ITGA8: variants seen among roughly 807,000 people sequenced by gnomAD.
ITGA8 encodes integrin alpha-8.
Under a neutral mutation model 142.3 loss-of-function variants are expected in ITGA8, and 91 were observed. The ratio of observed to expected loss-of-function variants is 0.64; its 90% CI spans 0.54 to 0.76. The LOEUF is 0.76. Among genes scored for constraint, ITGA8 ranks in the 30% least tolerant of loss-of-function variants. The probability of loss-of-function intolerance (pLI) is 0.00; values close to 1 mark genes in which losing one functional copy is unlikely to be tolerated. For missense variants in ITGA8, 1,406 were observed against 1,327.7 expected, an observed-to-expected ratio of 1.06 and a Z score of -0.92; for synonymous variants, 505 against 485.2, an observed-to-expected ratio of 1.04 and a Z score of -0.54.
intron 2 of ITGA8, among the ~76,000 whole-genome samples, chr10:15,707,942 A>G (rs923773127): frequency 6.7e-6 from 1 of 150,316 alleles, no homozygotes; most frequent in African/African-American, 2.5e-5. Flanking sequence ...GCCCAAGCTA[A>G]AATAAATGTG....
chr10:15,597,003 C>T, intron 21 of ITGA8: 2 of 560,328 alleles, frequency 3.6e-6, no homozygotes, highest in East Asian at 2.8e-5. Context: ...CATAGAAGAG[C>T]ATGCATCTTT....
chr10:15,620,464 G>A (rs1002281960), intron 13 of ITGA8, among the ~76,000 whole-genome samples: 4 of 152,204 alleles, frequency 2.6e-5, no homozygotes, highest in African/African-American at 9.6e-5. Flanking sequence ...TAATTTCTGT[G>A]CCTTCGGGTG....
At position 15,528,073 on chromosome 10, in the gene ITGA8, G is replaced by A. The variant is rs534032100; in HGVS notation, c.2982+2977C>T. On this transcript the variant is annotated intron_variant, in intron 28 of 29. Transcript: ENST00000378076. ...TGGGACTACAGGCGAGCATCACCAC[G>A]CCTTGCTAATTTTATGCTTTTTGTT... is the stretch of plus-strand genomic sequence containing the variant. 4.6e-5 allele frequency among the ~76,000 whole-genome samples: 7 copies of A among 151,824 alleles called. No homozygotes were observed. The South Asian group carries it at 1.0e-3, about 23-fold the overall frequency.
intron 14 of ITGA8, among the ~76,000 whole-genome samples, chr10:15,614,639 G>A (rs897526779): frequency 3.3e-5 from 5 of 152,168 alleles, no homozygotes; most frequent in African/African-American, 7.2e-5. Flanking sequence ...AGATATGATC[G>A]TTGGAAGCCA....
chr10:15,578,486 C>T (rs1287608494), intron 23 of ITGA8, among the ~76,000 whole-genome samples: 1 of 151,996 alleles, frequency 6.6e-6, no homozygotes, highest in African/African-American at 2.4e-5. Flanking sequence ...TGTAGGGATT[C>T]TTGTGTGAAC....
At chr10:15,685,130 G>A (rs568604069) in intron 3 of ITGA8, among the ~76,000 whole-genome samples, 95 of 152,312 alleles carry the variant, frequency 6.2e-4, no homozygotes, top group African/African-American at 2.1e-3. Flanking sequence ...ATGTTCATGA[G>A]CTACAAGCAT....
intron 25 of ITGA8, among the ~76,000 whole-genome samples, chr10:15,560,278 TC>T (rs1176423388): frequency 2.0e-5 from 3 of 152,004 alleles, no homozygotes; most frequent in African/African-American, 4.8e-5. Flanking sequence ...AGGCCCTGCT[TC>T]TAAAAAAAAT....
chr10:15,535,316 G>C (rs1833405789), intron 27 of ITGA8, among the ~76,000 whole-genome samples: 1 of 152,236 alleles, frequency 6.6e-6, no homozygotes, highest in Non-Finnish European at 1.5e-5. Flanking sequence ...GGGCTGAGGA[G>C]TGTGGGCACA....
At chr10:15,627,567 G>A (rs1401270078) in intron 13 of ITGA8, among the ~76,000 whole-genome samples, 2 of 152,200 alleles carry the variant, frequency 1.3e-5, no homozygotes, top group African/African-American at 2.4e-5. Flanking sequence ...CTTGCAAACA[G>A]GAAGGACAAA....
intron 13 of ITGA8, among the ~76,000 whole-genome samples, chr10:15,621,621 C>T (rs1162515643): frequency 1.3e-5 from 2 of 150,448 alleles, no homozygotes; most frequent in African/African-American, 4.9e-5. Flanking sequence ...ATTAGGTGGG[C>T]AGGAAACAGT....
At chr10:15,617,563 T>A (rs933043823) in intron 13 of ITGA8, among the ~76,000 whole-genome samples, 1 of 152,148 alleles carries the variant, frequency 6.6e-6, no homozygotes, top group East Asian at 1.9e-4. Flanking sequence ...AACGCCTGGC[T>A]GATTTTTTGT....
chr10:15,701,333 C>T (rs1564415754), intron 2 of ITGA8, among the ~76,000 whole-genome samples: 1 of 152,104 alleles, frequency 6.6e-6, no homozygotes, highest in Non-Finnish European at 1.5e-5. Context: ...ATTAGTACAT[C>T]TGTGATCTGA....
chr10:15,686,565 G>A (rs952794724), intron 3 of ITGA8, among the ~76,000 whole-genome samples: 77 of 152,276 alleles, frequency 5.1e-4, no homozygotes, highest in African/African-American at 1.8e-3. Context: ...ATACTGATGG[G>A]ACATATTTAG....
chr10:15,698,474 CA>C (rs1334821654), intron 2 of ITGA8, among the ~76,000 whole-genome samples: 1 of 152,112 alleles, frequency 6.6e-6, no homozygotes, highest in Non-Finnish European at 1.5e-5. Context: ...TTATTTCTTT[CA>C]GGAATCTCTA....
chr10:15,638,768 T>G (rs1833816557), intron 13 of ITGA8, among the ~76,000 whole-genome samples: 1 of 152,204 alleles, frequency 6.6e-6, no homozygotes, highest in African/African-American at 2.4e-5. Flanking sequence ...GGAATTTTGT[T>G]TCTGATCTAC....
chr10:15,555,226 T>C (rs936353241), intron 26 of ITGA8, among the ~76,000 whole-genome samples: 2 of 152,224 alleles, frequency 1.3e-5, no homozygotes, highest in Non-Finnish European at 2.9e-5. Context: ...CGGCTTGCAA[T>C]ATATCATTGG....
chr10:15,624,863 A>G (rs1020807427), intron 13 of ITGA8, among the ~76,000 whole-genome samples: 1 of 152,220 alleles, frequency 6.6e-6, no homozygotes, highest in Non-Finnish European at 1.5e-5. Flanking sequence ...TGGCGGATAC[A>G]TCTGGCAATG....
chr10:15,602,967 A>T (rs1419473751), intron 20 of ITGA8, among the ~76,000 whole-genome samples: 1 of 152,176 alleles, frequency 6.6e-6, no homozygotes, highest in Non-Finnish European at 1.5e-5. Flanking sequence ...AAACTACTTT[A>T]TTAAGATGTG....
intron 8 of ITGA8, among the ~76,000 whole-genome samples, chr10:15,669,621 G>T (rs987470944): frequency 6.6e-6 from 1 of 152,112 alleles, no homozygotes; most frequent in African/African-American, 2.4e-5. Context: ...GTTCTGCTCT[G>T]TTTTTTTCCC....
Sources: allele counts gnomAD v4.1 joint callset (sites outside exome capture counted in the v4.1 genomes callset), GRCh38; gene constraint gnomAD v4.1.1; transcripts MANE v1.5; gene names NCBI Gene and HGNC (gene_info 2026-07-23, HGNC 2026-07-21).